Variants in PACRG observed in about 807,000 individuals in gnomAD.
PACRG encodes parkin coregulated.
PACRG carries 29 observed loss-of-function variants against 29.7 expected under a neutral mutation model. That is an observed-to-expected ratio of 0.98 (90% CI 0.73 to 1.33). The LOEUF (loss-of-function observed/expected upper bound fraction) is 1.33. PACRG is among the 40% of genes most tolerant of loss of function. The probability of loss-of-function intolerance (pLI) is 0.00; values close to 1 mark genes in which losing one functional copy is unlikely to be tolerated. For missense variants in PACRG, 279 were observed against 316.2 expected (o/e 0.88, Z 0.89); for synonymous variants, 116 against 118.7 (o/e 0.98, Z 0.15).
At chr6:162,971,137 T>C (rs1005860353) in intron 2 of PACRG, among the ~76,000 whole-genome samples, 2 of 152,190 alleles carry the variant, frequency 1.3e-5, no homozygotes, top group African/African-American at 4.8e-5. Context: ...GTGAAGGCTT[T>C]TTATCTGCAA....
intron 3 of PACRG, among the ~76,000 whole-genome samples, chr6:163,069,603 C>G (rs1811858609): frequency 6.6e-6 from 1 of 150,906 alleles, no homozygotes; most frequent in Admixed American, 6.6e-5. Flanking sequence ...GGAAAACACA[C>G]ACTCAGGAGA....
At chr6:163,002,344 T>C (rs1584980802) in intron 2 of PACRG, among the ~76,000 whole-genome samples, 1 of 152,200 alleles carries the variant, frequency 6.6e-6, no homozygotes, top group East Asian at 1.9e-4. Context: ...TGATTGACGG[T>C]CAGTCAGACT....
At chr6:162,756,190 GTTTC>G (rs1251612862) in intron 1 of PACRG, among the ~76,000 whole-genome samples, 11 of 152,112 alleles carry the variant, frequency 7.2e-5, no homozygotes, top group African/African-American at 2.7e-4. Context: ...CAAGTCCAAT[GTTTC>G]TTTATTGATA....
intron 2 of PACRG, among the ~76,000 whole-genome samples, chr6:163,057,257 T>C (rs1810676378): frequency 1.3e-5 from 2 of 152,152 alleles, no homozygotes; most frequent in Non-Finnish European, 2.9e-5. Flanking sequence ...AAAACAATGG[T>C]GAGGGCTAGT....
Position 163,147,864 on chromosome 6 carries a change from A to G in PACRG, c.613+58456A>G, listed in dbSNP as rs148595047. Among the ~76,000 whole-genome samples the G allele has an allele frequency of 1.8e-3, 275 of 152,162 alleles. 1 individual carries two copies. The highest frequency in any genetic ancestry group is 6.5e-3 in the African/African-American group (270 of 41,508). On this transcript the variant is annotated intron_variant, in intron 4 of 4. Coordinates refer to ENST00000366888, the MANE Select transcript of PACRG (RefSeq NM_001080379.2). Reference sequence around the variant, plus strand: ...ACCCCCTTAGCAATGCCCCTCTAGCACCTTTCTTTACCAACCAGAATAGAA... The same window carrying G: ...ACCCCCTTAGCAATGCCCCTCTAGCGCCTTTCTTTACCAACCAGAATAGAA...
At chr6:163,053,686 T>C (rs184387767) in intron 2 of PACRG, among the ~76,000 whole-genome samples, 30 of 152,304 alleles carry the variant, frequency 2.0e-4, no homozygotes, top group Admixed American at 1.8e-3. Context: ...TAGTATTTTA[T>C]TTACAGAATA....
chr6:162,852,365 C>T (rs1366611320), intron 2 of PACRG, among the ~76,000 whole-genome samples: 4 of 152,174 alleles, frequency 2.6e-5, no homozygotes, highest in Non-Finnish European at 4.4e-5. Flanking sequence ...GCACTACTGA[C>T]CCCCGGGGGC....
intron 1 of PACRG, among the ~76,000 whole-genome samples, chr6:162,790,331 T>C (rs1784834729): frequency 6.6e-6 from 1 of 152,202 alleles, no homozygotes; most frequent in Middle Eastern, 3.4e-3. Context: ...ACATTTGCTC[T>C]CCCCGCACTC....
intron 4 of PACRG, among the ~76,000 whole-genome samples, chr6:163,106,909 C>T (rs958363820): frequency 6.6e-6 from 1 of 152,138 alleles, no homozygotes. Context: ...AAGACTTGCT[C>T]ATTAAACTAT....
chr6:163,095,356 G>A (rs577156218), intron 4 of PACRG: 21 of 985,360 alleles, frequency 2.1e-5, no homozygotes, highest in African/African-American at 1.6e-4. Context: ...GCGCCTGCCC[G>A]GAGGGAAGGA....
At chr6:162,875,913 A>G (rs1793303915) in intron 2 of PACRG, among the ~76,000 whole-genome samples, 1 of 151,930 alleles carries the variant, frequency 6.6e-6, no homozygotes, top group African/African-American at 2.4e-5. Flanking sequence ...TGGAGCTTGA[A>G]CTCATGTGTC....
intron 2 of PACRG, among the ~76,000 whole-genome samples, chr6:162,846,090 G>C (rs1790352208): frequency 6.6e-6 from 1 of 152,026 alleles, no homozygotes; most frequent in African/African-American, 2.4e-5. Flanking sequence ...AAGGAAGGAA[G>C]CTGGACGGAA....
chr6:162,727,809 G>A, upstream of PACRG: 2 of 821,634 alleles, frequency 2.4e-6, no homozygotes, highest in Non-Finnish European at 3.8e-6. Flanking sequence ...GAATGCGCAC[G>A]CGCGGAGGGC....
chr6:163,312,933 T>C, intron 4 of PACRG: 1 of 275,502 alleles, frequency 3.6e-6, no homozygotes, highest in Non-Finnish European at 7.2e-6. Context: ...TTTAATTTCT[T>C]TTATAGAGAT....
rs142676145 is a variant in PACRG at position 163,287,708 on chromosome 6, G to A, written c.614-27119G>A. Among the ~76,000 whole-genome samples, 1,193 of 152,356 alleles carry A rather than the reference G, an allele frequency of 7.8e-3. 20 individuals are homozygous for A. Among genetic ancestry groups the A allele is most frequent in the African/African-American group, 0.027 (1,119 of 41,584 alleles). On this transcript the variant is annotated intron_variant, in intron 4 of 4. Coordinates refer to ENST00000366888, the MANE Select transcript of PACRG (RefSeq NM_001080379.2). ...GAAACAGAACACCAGCCAGTCTCCT[G>A]CCAGATGGATGACATTATTTTCCAC... is the stretch of plus-strand genomic sequence containing the variant.
chr6:162,813,654 T>C (rs1230512692), intron 1 of PACRG, among the ~76,000 whole-genome samples: 4 of 152,152 alleles, frequency 2.6e-5, no homozygotes, highest in Admixed American at 1.3e-4. Flanking sequence ...TTTTATATCA[T>C]TTTAGTAGTT....
At chr6:163,085,508 A>G (rs1813474998) in intron 3 of PACRG, among the ~76,000 whole-genome samples, 1 of 152,178 alleles carries the variant, frequency 6.6e-6, no homozygotes, top group African/African-American at 2.4e-5. Context: ...CAGCACTTCC[A>G]AACGATCCCA....
intron 2 of PACRG, chr6:162,957,372 TG>T: frequency 1.6e-6 from 1 of 622,102 alleles, no homozygotes; most frequent in Non-Finnish European, 2.8e-6. Context: ...CATGTTTTTT[TG>T]TTTTGGACAA....
At position 162,780,553 on chromosome 6, in the gene PACRG, A is replaced by G. The variant is rs112377451; in HGVS notation, c.157-33594A>G. On this transcript the variant is annotated intron_variant, in intron 1 of 4. Coordinates refer to ENST00000366888, the MANE Select transcript of PACRG (RefSeq NM_001080379.2). The stretch of plus-strand genomic sequence containing the variant: ...CAGACATACAAAGAAGGAAATAAAT[A>G]CAGCCTAAAATAAAGAGAAAAATCA... Among the ~76,000 whole-genome samples, 312 of 152,320 alleles carry G rather than the reference A, an allele frequency of 2.0e-3. 1 individual carries two copies. Among genetic ancestry groups the G allele is most frequent in the Non-Finnish European group, 2.6e-3 (178 of 68,020 alleles).
Sources: allele counts gnomAD v4.1 joint callset (sites outside exome capture counted in the v4.1 genomes callset), GRCh38; gene constraint gnomAD v4.1.1; transcripts MANE v1.5; gene names NCBI Gene and HGNC (gene_info 2026-07-23, HGNC 2026-07-21).